Variants in CMPK2 observed in about 807,000 individuals in gnomAD.
CMPK2 encodes the protein cytidine/uridine monophosphate kinase 2.
Under a neutral mutation model 33.4 loss-of-function variants are expected in CMPK2, and 32 were observed. That is an observed-to-expected ratio of 0.96 (90% CI 0.72 to 1.29). The LOEUF is 1.29. Ranked by LOEUF, CMPK2 falls within the 50% of genes most tolerant of loss-of-function variation. The pLI, the probability that CMPK2 is intolerant of heterozygous loss-of-function variation, is 0.00. For missense variants in CMPK2, 672 were observed against 616.0 expected (o/e 1.09, Z -0.96); for synonymous variants, 299 against 275.3 (o/e 1.09, Z -0.85).
upstream of CMPK2, chr2:6,866,588 G>T: frequency 2.5e-6 from 1 of 399,072 alleles, no homozygotes; most frequent in Non-Finnish European, 3.4e-6. Flanking sequence ...CCCTCTGCCT[G>T]CCACAGTCCA....
intron 2 of CMPK2, 75 bp from the exon 3 acceptor site, chr2:6,861,460 C>T (rs895797629): frequency 4.8e-5 from 53 of 1,109,698 alleles, no homozygotes; most frequent in Middle Eastern, 2.0e-4. Context: ...AGAGCACAGA[C>T]GTTCTCTCAA....
chr2:6,846,631 G>A (rs527510429), downstream of CMPK2, among the ~76,000 whole-genome samples: 8 of 152,208 alleles, frequency 5.3e-5, no homozygotes, highest in Non-Finnish European at 1.0e-4. Flanking sequence ...AAGTCTTTGT[G>A]CTGACTCCCT....
rs1246521639 is a variant in CMPK2, at chr2:6,849,420, A to G, written c.*430T>C. 2.0e-6 allele frequency: 2 copies of G among 992,432 alleles called. No individual in the cohort carries two copies. Among genetic ancestry groups the G allele is most frequent in the Admixed American group, 6.1e-5 (1 of 16,362 alleles). 61.5% of individuals were successfully genotyped at this position (992,432 alleles called of 1,614,324 possible). A position where few individuals can be genotyped will look rare whatever the true frequency, so the allele number is the denominator to read the frequency against. On this transcript the variant is annotated 3_prime_UTR_variant, in exon 5 of 5. Transcript: ENST00000256722. ...AGTGCAACCAGATGTGGAAGAAGCC[A>G]ATGTGGGCATGTCACGATCTCATCA... is the stretch of plus-strand genomic sequence containing the variant.
At chr2:6,854,434 T>A (rs1662623102) in intron 3 of CMPK2, among the ~76,000 whole-genome samples, 1 of 152,184 alleles carries the variant, frequency 6.6e-6, no homozygotes. Flanking sequence ...TAAACATGAA[T>A]AAAATCCACA....
rs1256158108 is a variant in CMPK2 at position 6,849,794 on chromosome 2, T to C, written c.*56A>G. On this transcript the variant is annotated 3_prime_UTR_variant, in exon 5 of 5. Coordinates refer to ENST00000256722, the MANE Select transcript of CMPK2 (RefSeq NM_207315.4). ...GGAACACTGCATAACAAATGGTGGA[T>C]GTAGATGTTTCAAACAACATCTAAT... The C allele has an allele frequency of 6.2e-7, 1 of 1,609,056 alleles. No homozygotes were observed. Among genetic ancestry groups the C allele is most frequent in the Non-Finnish European group, 8.5e-7 (1 of 1,178,602 alleles).
chr2:6,862,732 C>T (rs1443466778), intron 2 of CMPK2, among the ~76,000 whole-genome samples: 1 of 152,198 alleles, frequency 6.6e-6, no homozygotes, highest in Non-Finnish European at 1.5e-5. Context: ...ATCACCTGTG[C>T]CACATCTCCC....
chr2:6,865,178 C>T lies in CMPK2; in HGVS notation c.519G>A (p.Trp173Ter), dbSNP rs1027004054. Reference sequence around the variant, plus strand: ...CGTCTTGCACCTCCCAGAGGCGCTGCCACAGCTGGCCGCGCGGGTCGGCCT... The same window carrying T: ...CGTCTTGCACCTCCCAGAGGCGCTGTCACAGCTGGCCGCGCGGGTCGGCCT... Reference protein sequence around the residue: ...EFEADPRGQLWQRLWEVQDGR... With the variant: ...EFEADPRGQL Residue 173 changes from tryptophan to a stop codon, truncating the protein, a stop_gained, in exon 1 of 5, where the codon TGG becomes TGA. Coordinates refer to ENST00000256722, the MANE Select transcript of CMPK2 (RefSeq NM_207315.4). LOFTEE classifies it high-confidence loss of function. The T allele has an allele frequency of 6.5e-6, 10 of 1,534,402 alleles. No individual in the cohort carries two copies. The highest frequency in any genetic ancestry group is 8.7e-6 in the Non-Finnish European group (10 of 1,143,248).
At chr2:6,844,378 A>T (rs1334139032), downstream of CMPK2, among the ~76,000 whole-genome samples, 1 of 152,166 alleles carries the variant, frequency 6.6e-6, no homozygotes, top group East Asian at 1.9e-4. Flanking sequence ...CTTGTCTTTT[A>T]AGATTAGCTT....
chr2:6,855,012 G>C (rs887278512), intron 3 of CMPK2, among the ~76,000 whole-genome samples: 1 of 151,924 alleles, frequency 6.6e-6, no homozygotes, highest in Non-Finnish European at 1.5e-5. Flanking sequence ...CTTTCTCTTG[G>C]AAATAAAGGG....
At position 6,849,388 on chromosome 2, in the gene CMPK2, C is replaced by A; in HGVS notation, c.*462G>T. On this transcript the variant is annotated 3_prime_UTR_variant, in exon 5 of 5. Coordinates refer to ENST00000256722, the MANE Select transcript of CMPK2 (RefSeq NM_207315.4). Reference sequence around the variant, plus strand: ...ACTGAGGGAGATGCAGCGAGCCCATCATGACGAGTGCAACCAGATGTGGAA... The same window carrying A: ...ACTGAGGGAGATGCAGCGAGCCCATAATGACGAGTGCAACCAGATGTGGAA... The A allele has an allele frequency of 5.1e-6, 5 of 988,318 alleles. No homozygotes were observed. The South Asian group carries it at 2.3e-4, about 46-fold the overall frequency. The allele number at this position is 988,318 out of a possible 1,614,324, so 61.2% of individuals were successfully genotyped here.
Position 6,840,619 on chromosome 2 carries a change from CA to C in CMPK2, c.1051del (p.Cys351ValfsTer?). Reference sequence around the variant, plus strand: ...TGATGAATCCAAGATTCCAGTCCCACAAACTTCACTGCCGAGCAGGTGGAGA... The same window carrying C: ...TGATGAATCCAAGATTCCAGTCCCACAACTTCACTGCCGAGCAGGTGGAGA... On this transcript the variant is annotated frameshift_variant, in exon 4 of 4. Transcript: ENST00000458098. LOFTEE classifies it high-confidence loss of function. 1 of 702,308 alleles carries C rather than the reference CA, an allele frequency of 1.4e-6. No homozygotes were observed. The highest frequency in any genetic ancestry group is 1.7e-5 in the African/African-American group (1 of 57,350). 43.5% of individuals were successfully genotyped at this position (702,308 alleles called of 1,614,324 possible).
intron 3 of CMPK2, among the ~76,000 whole-genome samples, chr2:6,860,606 C>T (rs571268157): frequency 1.4e-4 from 22 of 152,184 alleles, no homozygotes; most frequent in Non-Finnish European, 1.0e-4. Context: ...GATTGTGAGG[C>T]CTCCCCAGCC....
In CMPK2 at chr2:6,848,605, T is replaced by C. The variant is rs2103216559; in HGVS notation, c.*1245A>G. The C allele has an allele frequency of 1.0e-6, 1 of 962,670 alleles. No individual in the cohort carries two copies. The highest frequency in any genetic ancestry group is 1.8e-5 in the African/African-American group (1 of 56,864). The allele number at this position is 962,670 out of a possible 1,614,324, so 59.6% of individuals were successfully genotyped here. A position where few individuals can be genotyped will look rare whatever the true frequency, so the allele number is the denominator to read the frequency against. On this transcript the variant is annotated 3_prime_UTR_variant, in exon 5 of 5. Transcript: ENST00000256722. Reference sequence around the variant, plus strand: ...CATGAAACTTTATTAGAATTTAAGATTCTATATGCAGACCTGATAAAGCCT... The same window carrying C: ...CATGAAACTTTATTAGAATTTAAGACTCTATATGCAGACCTGATAAAGCCT...
chr2:6,843,461 T>A (rs1281985437), downstream of CMPK2, among the ~76,000 whole-genome samples: 2 of 152,114 alleles, frequency 1.3e-5, no homozygotes, highest in African/African-American at 2.4e-5. Context: ...TGGCTTAAAG[T>A]CCTTGAGGGG....
At chr2:6,844,522 C>T (rs1662309674), downstream of CMPK2, among the ~76,000 whole-genome samples, 1 of 152,156 alleles carries the variant, frequency 6.6e-6, no homozygotes, top group Non-Finnish European at 1.5e-5. Flanking sequence ...AGGTTTGGTA[C>T]TTGTCCTTCT....
chr2:6,851,178 C>G lies in CMPK2; in HGVS notation c.1226+272G>C, dbSNP rs950169169. 4 of 1,264,696 alleles carry G rather than the reference C, an allele frequency of 3.2e-6. No individual in the cohort carries two copies. The East Asian group carries it at 1.3e-4, about 40-fold the overall frequency. The allele number at this position is 1,264,696 out of a possible 1,614,324, so 78.3% of individuals were successfully genotyped here. A position where few individuals can be genotyped will look rare whatever the true frequency, so the allele number is the denominator to read the frequency against. The stretch of plus-strand genomic sequence containing the variant: ...GGAAACTGAGGCACAGAGACACTTA[C>G]TGTCTTACCCAGGTGCAGCTGCTCC... On this transcript the variant is annotated intron_variant, in intron 4 of 4. Coordinates refer to ENST00000256722, the MANE Select transcript of CMPK2 (RefSeq NM_207315.4).
Position 6,863,537 on chromosome 2 carries a change from C to G in CMPK2, c.717G>C (p.Leu239=), listed in dbSNP as rs1481849646. ...GGATCTGTTTTGGGCACTGGTCGAC[C>G]AGGTCAAGCACTGCCCGGGCTTCAG... ...FIPEARAVLD[L]VDQCPKQIQK... is the part of the protein sequence containing the mutation. The change falls in exon 2 of 5, where the codon CTG becomes CTC. Residue 239 remains leucine, a synonymous_variant. Transcript: ENST00000256722. 6.2e-7 allele frequency: 1 copy of G among 1,614,164 alleles called. No individual in the cohort carries two copies. The highest frequency in any genetic ancestry group is 1.3e-5 in the African/African-American group (1 of 75,028).
Position 6,863,524 on chromosome 2 carries a change from GGCACTGGTCGACCAGGTCAA to G in CMPK2, c.710_729del (p.Leu237ProfsTer22), listed in dbSNP as rs773169808. 6.2e-7 allele frequency: 1 copy of G among 1,613,984 alleles called. No homozygotes were observed. The highest frequency in any genetic ancestry group is 8.5e-7 in the Non-Finnish European group (1 of 1,180,016). The stretch of plus-strand genomic sequence containing the variant: ...AACTTTCCTTTCTGGATCTGTTTTG[GGCACTGGTCGACCAGGTCAA>G]GCACTGCCCGGGCTTCAGGAATAAA... On this transcript the variant is annotated frameshift_variant, in exon 2 of 5. Transcript: ENST00000256722. LOFTEE classifies it high-confidence loss of function.
chr2:6,865,257 A>G lies in CMPK2; in HGVS notation c.440T>C (p.Leu147Pro). Residue 147 changes from leucine to proline, a missense_variant, in exon 1 of 5, where the codon CTC becomes CCC. Leu to Pro is a moderately conservative substitution (Grantham distance 98, BLOSUM62 -3). Transcript: ENST00000256722. ...LDDPDTRQALLELLGACQEAP... is the reference protein window; with the variant it reads ...LDDPDTRQALPELLGACQEAP... ...CTCCTGACAGGCGCCCAGCAGCTCG[A>G]GCAGCGCTTGCCGGGTGTCAGGGTC... 2.6e-6 allele frequency: 4 copies of G among 1,537,758 alleles called. No individual in the cohort carries two copies. Among genetic ancestry groups the G allele is most frequent in the African/African-American group, 1.4e-5 (1 of 70,726 alleles).
Sources: gnomAD v4.1 joint callset for allele counts (sites outside exome capture counted in the v4.1 genomes callset) on GRCh38, gnomAD v4.1.1 for gene constraint, MANE v1.5 for transcripts, NCBI Gene and HGNC (gene_info 2026-07-23, HGNC 2026-07-21) for gene names.